Variants in R3HDM4 observed in about 807,000 individuals in gnomAD.
The protein encoded by R3HDM4 is R3H domain-containing protein 4.
R3HDM4 carries 30 observed loss-of-function variants against 31.3 expected under a neutral mutation model. The ratio of observed to expected loss-of-function variants is 0.96; its 90% CI spans 0.72 to 1.30. The LOEUF is 1.30. Among genes scored for constraint, R3HDM4 ranks in the 50% most tolerant of loss-of-function variants. The pLI, the probability that R3HDM4 is intolerant of heterozygous loss-of-function variation, is 0.00. For synonymous variants in R3HDM4, 196 were observed against 156.6 expected (o/e 1.25, Z -1.88); for missense variants, 444 against 366.1 (o/e 1.21, Z -1.74).
chr19:911,726 G>A (rs115072294), intron 1 of R3HDM4, among the ~76,000 whole-genome samples: 3,826 of 152,086 alleles, frequency 0.025, 154 homozygotes, highest in African/African-American at 0.087. Context: ...GGCGCACCCT[G>A]GGTCCCCGGG....
At chr19:906,182 G>A (rs897208929) in intron 1 of R3HDM4, among the ~76,000 whole-genome samples, 11 of 150,838 alleles carry the variant, frequency 7.3e-5, no homozygotes, top group African/African-American at 2.7e-4. Flanking sequence ...CCGCCACCAC[G>A]CCTGGCTAAT....
intron 1 of R3HDM4, among the ~76,000 whole-genome samples, chr19:906,500 G>A (rs970575706): frequency 2.6e-5 from 4 of 152,096 alleles, no homozygotes; most frequent in African/African-American, 7.2e-5. Context: ...TTACGGGCAT[G>A]AGCCACCGCG....
Position 897,141 on chromosome 19 carries a change from C to T in R3HDM4, c.*296G>A. The T allele has an allele frequency of 2.9e-6, 1 of 347,914 alleles. No homozygotes were observed. Among genetic ancestry groups the T allele is most frequent in the Non-Finnish European group, 5.2e-6 (1 of 192,780 alleles). 21.6% of individuals were successfully genotyped at this position (347,914 alleles called of 1,614,324 possible). On this transcript the variant is annotated 3_prime_UTR_variant, in exon 8 of 8. Transcript: ENST00000361574. ...TCCCCCTCCTCACTTGAGCTTCAGA[C>T]CGGGCCAGAAAAGCTCAACGATGAA...
rs2036750169 is a variant in R3HDM4 at position 897,198 on chromosome 19, C to T, written c.*239G>A. ...GGAACATGCCCAGGTCAGGTCTCCC[C>T]ACCCAAACACAAGTCCCGGAGTGGG... is the stretch of plus-strand genomic sequence containing the variant. On this transcript the variant is annotated 3_prime_UTR_variant, in exon 8 of 8. Coordinates refer to ENST00000361574, the MANE Select transcript of R3HDM4 (RefSeq NM_138774.4). 5 of 472,192 alleles carry T rather than the reference C, an allele frequency of 1.1e-5. No individual in the cohort carries two copies. The highest frequency in any genetic ancestry group is 8.0e-5 in the African/African-American group (4 of 50,064). The allele number at this position is 472,192 out of a possible 1,614,324, so 29.3% of individuals were successfully genotyped here. A position where few individuals can be genotyped will look rare whatever the true frequency, so the allele number is the denominator to read the frequency against.
At position 899,698 on chromosome 19, in the gene R3HDM4, G is replaced by A. The variant is rs749428826; in HGVS notation, c.562-12C>T. 1.9e-5 allele frequency: 30 copies of A among 1,558,784 alleles called. No homozygotes were observed. The highest frequency in any genetic ancestry group is 1.2e-4 in the African/African-American group (9 of 72,906). Reference sequence around the variant, plus strand: ...GTCTCCAGCGTTTCCTGGGGAGAGCGGCCCGGTGGTCAGGGAACTGCGGGA... The same window carrying A: ...GTCTCCAGCGTTTCCTGGGGAGAGCAGCCCGGTGGTCAGGGAACTGCGGGA... On this transcript the variant is annotated splice_polypyrimidine_tract_variant and intron_variant, in intron 5 of 7. Coordinates refer to ENST00000361574, the MANE Select transcript of R3HDM4 (RefSeq NM_138774.4). The surrounding 1 kb of genome is among the most constrained non-coding windows in gnomAD (Gnocchi z 6.8).
chr19:901,127 G>T, intron 3 of R3HDM4, 175 bp from the exon 4 acceptor site: 2 of 849,502 alleles, frequency 2.4e-6, no homozygotes, highest in Non-Finnish European at 3.5e-6. Context: ...GGGAAGCGGG[G>T]AACCGGGGTG....
At position 900,164 on chromosome 19, in the gene R3HDM4, C is replaced by T; in HGVS notation, c.476-18G>A. 1 of 1,546,238 alleles carries T rather than the reference C, an allele frequency of 6.5e-7. No homozygotes were observed. The highest frequency in any genetic ancestry group is 1.2e-5 in the South Asian group (1 of 81,466). ...GGGGTCCTCTGCAGGAGTGGGGGAA[C>T]AAGGGGCAGTCTTGGGGTGCTCGTC... On this transcript the variant is annotated intron_variant, in intron 4 of 7. Coordinates refer to ENST00000361574, the MANE Select transcript of R3HDM4 (RefSeq NM_138774.4).
chr19:897,172 A>C lies in R3HDM4; in HGVS notation c.*265T>G. 1 of 402,492 alleles carries C rather than the reference A, an allele frequency of 2.5e-6. No individual in the cohort carries two copies. The highest frequency in any genetic ancestry group is 2.1e-5 in the African/African-American group (1 of 48,762). The allele number at this position is 402,492 out of a possible 1,614,324, so 24.9% of individuals were successfully genotyped here. ...CAGAAAAGCTCAACGATGAAGAAAC[A>C]GGAACATGCCCAGGTCAGGTCTCCC... On this transcript the variant is annotated 3_prime_UTR_variant, in exon 8 of 8. Transcript: ENST00000361574.
chr19:907,515 C>T lies in R3HDM4; in HGVS notation c.72-5385G>A, dbSNP rs1008493547. ...AGGGGCCTGGTATCACCCCATATTA[C>T]AGATGAAGGATCTGAGGCTTGGAGA... is the stretch of plus-strand genomic sequence containing the variant. On this transcript the variant is annotated intron_variant, in intron 1 of 7. Coordinates refer to ENST00000361574, the MANE Select transcript of R3HDM4 (RefSeq NM_138774.4). The surrounding 1 kb of genome is among the most constrained non-coding windows in gnomAD (Gnocchi z 4.1). Among the ~76,000 whole-genome samples the T allele has an allele frequency of 6.6e-6, 1 of 152,140 alleles. No individual in the cohort carries two copies. The highest frequency in any genetic ancestry group is 6.5e-5 in the Admixed American group (1 of 15,276).
chr19:903,510 G>A (rs1033833335), intron 1 of R3HDM4, among the ~76,000 whole-genome samples: 1 of 152,130 alleles, frequency 6.6e-6, no homozygotes, highest in African/African-American at 2.4e-5. Context: ...GCGGCGTTTG[G>A]GGGGAGGTAG....
Position 913,164 on chromosome 19 carries a change from C to T in R3HDM4, c.-7G>A, listed in dbSNP as rs1308620093. 1.1e-5 allele frequency: 12 copies of T among 1,068,954 alleles called. No individual in the cohort carries two copies. Among genetic ancestry groups the T allele is most frequent in the African/African-American group, 6.8e-5 (4 of 58,832 alleles). The allele number at this position is 1,068,954 out of a possible 1,614,324, so 66.2% of individuals were successfully genotyped here. ...GGTTCTCCAGCGCGACCATGGCTCGCACGCTGTCGCCGCCGCCGCCGCCCG... is the reference window on the plus strand; with the variant it reads ...GGTTCTCCAGCGCGACCATGGCTCGTACGCTGTCGCCGCCGCCGCCGCCCG... On this transcript the variant is annotated 5_prime_UTR_variant, in exon 1 of 8. Transcript: ENST00000361574. This position sits in a 1 kb window ranked among gnomAD's most constrained non-coding sequence, Gnocchi z 5.0.
chr19:900,187 G>C (rs764234809), intron 4 of R3HDM4, 41 bp from the exon 5 acceptor site: 3 of 1,482,322 alleles, frequency 2.0e-6, no homozygotes, highest in African/African-American at 1.4e-5. Context: ...TGGGGTGCTC[G>C]TCCTGGCCCT....
chr19:903,115 T>C (rs1368504946), intron 1 of R3HDM4, among the ~76,000 whole-genome samples: 2 of 151,990 alleles, frequency 1.3e-5, no homozygotes, highest in African/African-American at 4.8e-5. Context: ...CTTTGGGACG[T>C]GAACAGCTTC....
rs1022052370 is a variant in R3HDM4, at chr19:912,060, G to C, written c.71+1027C>G. On this transcript the variant is annotated intron_variant, in intron 1 of 7. Transcript: ENST00000361574. Reference sequence around the variant, plus strand: ...CTGGCACCTCGGGGCCCGGGGAGTGGGGGGGCAGACCCGGGAGTGGGGGCG... The same window carrying C: ...CTGGCACCTCGGGGCCCGGGGAGTGCGGGGGCAGACCCGGGAGTGGGGGCG... Among the ~76,000 whole-genome samples the C allele has an allele frequency of 9.2e-5, 13 of 141,306 alleles. No homozygotes were observed. The South Asian group carries it at 1.5e-3, about 16-fold the overall frequency. 92.7% of individuals were successfully genotyped at this position (141,306 alleles called of 152,430 possible). A position where few individuals can be genotyped will look rare whatever the true frequency, so the allele number is the denominator to read the frequency against.
chr19:911,150 C>G (rs2036967287), intron 1 of R3HDM4, among the ~76,000 whole-genome samples: 1 of 139,228 alleles, frequency 7.2e-6, no homozygotes, highest in Non-Finnish European at 1.6e-5. Context: ...TAAATAAATA[C>G]AAATAATACT....
chr19:909,103 A>G lies in R3HDM4; in HGVS notation c.71+3984T>C, dbSNP rs187438319. Among the ~76,000 whole-genome samples the G allele has an allele frequency of 5.6e-4, 86 of 152,352 alleles. 1 individual carries two copies. Among genetic ancestry groups the G allele is most frequent in the African/African-American group, 2.0e-3 (82 of 41,582 alleles). Reference sequence around the variant, plus strand: ...AGGCTTCCTGGACCCTGAAGGCTCGAGGATGTGTGTCCACAGAAGAGGGGG... The same window carrying G: ...AGGCTTCCTGGACCCTGAAGGCTCGGGGATGTGTGTCCACAGAAGAGGGGG... On this transcript the variant is annotated intron_variant, in intron 1 of 7. Transcript: ENST00000361574.
At position 897,475 on chromosome 19, in the gene R3HDM4, CCGG is replaced by C. The variant is rs1308098955; in HGVS notation, c.766_768del (p.Pro256del). 1 of 1,612,628 alleles carries C rather than the reference CCGG, an allele frequency of 6.2e-7. No homozygotes were observed. The highest frequency in any genetic ancestry group is 1.7e-5 in the Admixed American group (1 of 59,948). Reference sequence around the variant, plus strand: ...TCCAGGTAGGCGGACAGGAGCAGCCCCGGCGGCAGGAAATCCAGGTGCCGATTA... The same window carrying C: ...TCCAGGTAGGCGGACAGGAGCAGCCCCGGCAGGAAATCCAGGTGCCGATTA... On this transcript the variant is annotated inframe_deletion, in exon 8 of 8. Coordinates refer to ENST00000361574, the MANE Select transcript of R3HDM4 (RefSeq NM_138774.4).
Position 899,441 on chromosome 19 carries a change from G to C in R3HDM4, c.702C>G (p.Ala234=), listed in dbSNP as rs1338916990. The change falls in exon 7 of 8, where the codon GCC becomes GCG. Residue 234 remains alanine (A), a splice_region_variant and synonymous_variant. Coordinates refer to ENST00000361574, the MANE Select transcript of R3HDM4 (RefSeq NM_138774.4). The surrounding 1 kb of genome is among the most constrained non-coding windows in gnomAD (Gnocchi z 6.8). ...AVCQYMDLIS[A]SADLEGKRQM... is the part of the protein sequence containing the mutation. ...GTCTTGGGGGCCACCGGCACTTACT[G>C]GCCGAGATGAGGTCCATGTACTGGC... is the stretch of plus-strand genomic sequence containing the variant. 6.2e-7 allele frequency: 1 copy of C among 1,613,628 alleles called. No individual in the cohort carries two copies. The highest frequency in any genetic ancestry group is 1.7e-5 in the Admixed American group (1 of 60,014).
At chr19:910,431 T>C (rs2036958018) in intron 1 of R3HDM4, among the ~76,000 whole-genome samples, 1 of 151,712 alleles carries the variant, frequency 6.6e-6, no homozygotes, top group South Asian at 2.1e-4. Flanking sequence ...TGCAGTGAGC[T>C]GTGATCAAAC....
Sources: gnomAD v4.1 joint callset for allele counts (sites outside exome capture counted in the v4.1 genomes callset) on GRCh38, gnomAD v4.1.1 for gene constraint, Gnocchi (gnomAD v3.1) non-coding constraint, MANE v1.5 for transcripts, NCBI Gene and HGNC (gene_info 2026-07-23, HGNC 2026-07-21) for gene names.